Variants in ZFP64 observed in about 807,000 individuals in gnomAD.
ZFP64 encodes zinc finger protein 64.
In ZFP64, 14 loss-of-function variants were observed where a neutral mutation model predicts 51.6. That is an observed-to-expected ratio of 0.27 (90% CI 0.18 to 0.42). The LOEUF (loss-of-function observed/expected upper bound fraction) is 0.42, where lower values mean the gene tolerates loss of function less well. Among genes scored for constraint, ZFP64 ranks in the 10% least tolerant of loss-of-function variants. The pLI is 1.00. For synonymous variants in ZFP64, 375 were observed against 361.4 expected, an observed-to-expected ratio of 1.04 and a Z score of -0.43; for missense variants, 754 against 906.8, an observed-to-expected ratio of 0.83 and a Z score of 2.16.
intron 5 of ZFP64, among the ~76,000 whole-genome samples, chr20:52,119,533 A>AATATAT (rs71192595): frequency 8.0e-4 from 72 of 89,830 alleles, no homozygotes; most frequent in African/African-American, 2.2e-3. Flanking sequence ...AAAAAAAAAA[A>AATATAT]ATATATATAT....
intron 5 of ZFP64, among the ~76,000 whole-genome samples, chr20:52,146,003 C>T (rs1405647486): frequency 1.3e-5 from 2 of 152,022 alleles, no homozygotes; most frequent in African/African-American, 4.8e-5. Flanking sequence ...TACAACTGTA[C>T]AAAAATATTC....
rs183120717 is a variant in ZFP64, at chr20:52,096,483, C to T, written c.976+890G>A. ...AGAAATAAACTGGATTACGTTTAAG[C>T]CACTGAGACTGGTTTCTGAAAGAAC... On this transcript the variant is annotated intron_variant, in intron 7 of 8. Transcript: ENST00000361387. 1.4e-3 allele frequency among the ~76,000 whole-genome samples: 212 copies of T among 152,346 alleles called. 4 individuals carry two copies. The highest frequency in any genetic ancestry group is 2.1e-4 in the Non-Finnish European group (14 of 68,036).
At chr20:52,106,570 C>G (rs1005985553) in intron 5 of ZFP64, among the ~76,000 whole-genome samples, 4 of 152,094 alleles carry the variant, frequency 2.6e-5, no homozygotes, top group Non-Finnish European at 5.9e-5. Flanking sequence ...CACGGCGGGG[C>G]CTGCGAGAAC....
At chr20:52,149,290 A>AAAAAAAAAAAAAAAG, downstream of ZFP64, among the ~76,000 whole-genome samples, 1 of 148,936 alleles carries the variant, frequency 6.7e-6, no homozygotes, top group South Asian at 2.1e-4. Flanking sequence ...AAAAAAAAAA[A>AAAAAAAAAAAAAAAG]AGCTGAATAT....
intron 5 of ZFP64, among the ~76,000 whole-genome samples, chr20:52,111,591 C>T (rs1005600248): frequency 1.3e-5 from 2 of 151,954 alleles, no homozygotes; most frequent in Non-Finnish European, 2.9e-5. Flanking sequence ...CAAACATTGT[C>T]GCTTTGTAGA....
chr20:52,140,072 T>C (rs1442608241), intron 5 of ZFP64, among the ~76,000 whole-genome samples: 1 of 152,142 alleles, frequency 6.6e-6, no homozygotes, highest in African/African-American at 2.4e-5. Flanking sequence ...CCATGAACCA[T>C]GTCCATATAA....
At chr20:52,110,641 C>T in intron 5 of ZFP64, 1 of 1,156,544 alleles carries the variant, frequency 8.6e-7, no homozygotes, top group South Asian at 1.5e-5. Context: ...GCCAGGGTGT[C>T]CTATGCAGCT....
chr20:52,104,314 T>C (rs757439089), intron 5 of ZFP64, among the ~76,000 whole-genome samples: 6 of 152,218 alleles, frequency 3.9e-5, no homozygotes, highest in African/African-American at 1.2e-4. Context: ...CCGCAGGCTC[T>C]TCTGAAGCGG....
downstream of ZFP64, among the ~76,000 whole-genome samples, chr20:52,150,030 C>T (rs1032313718): frequency 1.3e-5 from 2 of 151,866 alleles, no homozygotes; most frequent in African/African-American, 2.4e-5. Context: ...ACGGTGAAAC[C>T]CTGTCTCTAC....
chr20:52,097,409 T>C (rs2079000266), exon 7 of ZFP64: 2 of 1,612,464 alleles, frequency 1.2e-6, no homozygotes, highest in Non-Finnish European at 1.7e-6. Flanking sequence ...AAGTCTTTCA[T>C]GCCATGGACA....
chr20:52,166,246 A>G (rs759899330), intron 2 of ZFP64, among the ~76,000 whole-genome samples: 17 of 112,994 alleles, frequency 1.5e-4, no homozygotes, highest in Non-Finnish European at 2.6e-4. Context: ...TTAAAATAGC[A>G]TGGGGGGGCA....
chr20:52,149,409 A>T (rs1313733828), downstream of ZFP64, among the ~76,000 whole-genome samples: 1 of 152,156 alleles, frequency 6.6e-6, no homozygotes, highest in Non-Finnish European at 1.5e-5. Context: ...ACACTTATTT[A>T]AAAAAACTAG....
At chr20:52,112,050 C>T (rs1170000924) in intron 5 of ZFP64, among the ~76,000 whole-genome samples, 1 of 147,286 alleles carries the variant, frequency 6.8e-6, no homozygotes, top group Non-Finnish European at 1.5e-5. Context: ...CCACTGCACT[C>T]CAGCCTGGGC....
At chr20:52,179,642 T>A (rs919687366) in intron 2 of ZFP64, among the ~76,000 whole-genome samples, 2 of 152,202 alleles carry the variant, frequency 1.3e-5, no homozygotes, top group African/African-American at 4.8e-5. Context: ...TCAAAATCAA[T>A]CAGGCGGGCA....
At chr20:52,184,494 G>T (rs1047302978) in intron 2 of ZFP64, among the ~76,000 whole-genome samples, 1 of 152,080 alleles carries the variant, frequency 6.6e-6, no homozygotes, top group Non-Finnish European at 1.5e-5. Context: ...CATATAATAT[G>T]TAGGCATATG....
At chr20:52,161,045 A>C (rs1981753997) in intron 4 of ZFP64, among the ~76,000 whole-genome samples, 1 of 152,156 alleles carries the variant, frequency 6.6e-6, no homozygotes, top group Non-Finnish European at 1.5e-5. Context: ...GCATACCTGC[A>C]GATGGTGGAG....
At chr20:52,122,085 A>T (rs1206838113) in intron 5 of ZFP64, among the ~76,000 whole-genome samples, 1 of 152,200 alleles carries the variant, frequency 6.6e-6, no homozygotes, top group Non-Finnish European at 1.5e-5. Flanking sequence ...ATTACTGCTC[A>T]TTGACAATGC....
At chr20:52,110,453 G>T (rs1600716553) in intron 5 of ZFP64, 1 of 643,752 alleles carries the variant, frequency 1.6e-6, no homozygotes, top group East Asian at 2.6e-5. Flanking sequence ...AATCAGCCTG[G>T]AGATCCATGT....
intron 5 of ZFP64, among the ~76,000 whole-genome samples, chr20:52,132,536 A>AT (rs1232832733): frequency 1.1e-4 from 16 of 152,196 alleles, no homozygotes; most frequent in Admixed American, 1.0e-3. Flanking sequence ...ATTACAGCTG[A>AT]TTCTGCAGAA....
Sources: gnomAD v4.1 joint callset for allele counts (sites outside exome capture counted in the v4.1 genomes callset) on GRCh38, gnomAD v4.1.1 for gene constraint, MANE v1.5 for transcripts, NCBI Gene and HGNC (gene_info 2026-07-23, HGNC 2026-07-21) for gene names.